The following NBPF11 variants were observed in gnomAD, a reference collection of about 807,000 sequenced individuals.
The protein encoded by NBPF11 is NBPF member 11.
A neutral mutation model predicts 93.9 loss-of-function variants in NBPF11; 72 were observed. The ratio of observed to expected loss-of-function variants is 0.77; its 90% confidence interval spans 0.63 to 0.93. The LOEUF is 0.93. Among genes scored for constraint, NBPF11 ranks in the 40% least tolerant of loss-of-function variants. NBPF11 has a pLI of 0.00. For synonymous variants in NBPF11, 224 were observed against 304.9 expected, an observed-to-expected ratio of 0.73 and a Z score of 2.76; for missense variants, 705 against 802.2, an observed-to-expected ratio of 0.88 and a Z score of 1.46.
intron 4 of NBPF11, among the ~76,000 whole-genome samples, chr1:148,132,031 C>T (rs1481215095): frequency 1.3e-4 from 18 of 133,624 alleles, no homozygotes; most frequent in Non-Finnish European, 1.6e-5. Flanking sequence ...TTTTCCTATG[C>T]TAATTGACCA....
chr1:148,149,088 C>G, intron 1 of NBPF11: 1 of 1,373,044 alleles, frequency 7.3e-7, no homozygotes, highest in Admixed American at 2.1e-5. Context: ...GGAGCTGGGC[C>G]CGGGGACGCC....
chr1:148,146,565 A>C (rs1673123241), intron 1 of NBPF11: 8 of 1,605,988 alleles, frequency 5.0e-6, no homozygotes, highest in Non-Finnish European at 6.8e-6. Flanking sequence ...GGACCCTGAG[A>C]GCCTCCTCGG....
intron 4 of NBPF11, among the ~76,000 whole-genome samples, chr1:148,132,273 A>G (rs1432154986): frequency 1.4e-5 from 2 of 146,862 alleles, no homozygotes; most frequent in African/African-American, 5.0e-5. Flanking sequence ...GTATACATAT[A>G]TATATGTCCT....
chr1:148,133,655 A>C (rs1670801772), intron 4 of NBPF11, among the ~76,000 whole-genome samples: 1 of 151,854 alleles, frequency 6.6e-6, no homozygotes, highest in African/African-American at 2.4e-5. Flanking sequence ...TATAAAAAAG[A>C]GGCCGGGCAT....
chr1:148,127,207 G>A, intron 4 of NBPF11, 169 bp from the exon 5 acceptor site: 1 of 292,730 alleles, frequency 3.4e-6, no homozygotes, highest in South Asian at 2.4e-5. Context: ...CAAGGTTCGA[G>A]GTGCCTCAAC....
chr1:148,116,262 G>C (rs1666513290), intron 13 of NBPF11, among the ~76,000 whole-genome samples: 1 of 152,076 alleles, frequency 6.6e-6, no homozygotes, highest in African/African-American at 2.4e-5. Flanking sequence ...AGCTATCCCT[G>C]TACGGTGCAG....
At chr1:148,132,444 C>T (rs1670561620) in intron 4 of NBPF11, among the ~76,000 whole-genome samples, 1 of 147,814 alleles carries the variant, frequency 6.8e-6, no homozygotes, top group Non-Finnish European at 1.5e-5. Flanking sequence ...CACCATTATT[C>T]TTTTATAATA....
intron 21 of NBPF11, 85 bp from the exon 22 acceptor site, chr1:148,105,613 G>T (rs1183735473): frequency 4.2e-6 from 3 of 707,526 alleles, no homozygotes; most frequent in Non-Finnish European, 7.6e-6. Context: ...GTAGCATAAG[G>T]AAGTGGTTAA....
intron 2 of NBPF11, among the ~76,000 whole-genome samples, chr1:148,138,265 G>A (rs1164971134): frequency 2.7e-5 from 4 of 150,792 alleles, no homozygotes; most frequent in Non-Finnish European, 1.5e-5. Flanking sequence ...TATACAATCG[G>A]GCTTTACACC....
At position 148,149,011 on chromosome 1, in the gene NBPF11, G is replaced by C. The variant is rs1407606519; in HGVS notation, c.-549+2739C>G. On this transcript the variant is annotated intron_variant, in intron 1 of 23. Transcript: ENST00000682118. ...TGTTGGGGGCTGGGGGTGGCCCTCGGGACTGGTGTGGAGCCTGAGCCTGAC... is the reference window on the plus strand; with the variant it reads ...TGTTGGGGGCTGGGGGTGGCCCTCGCGACTGGTGTGGAGCCTGAGCCTGAC... The C allele has an allele frequency of 7.7e-6, 5 of 645,554 alleles. No homozygotes were observed. The East Asian group carries it at 1.4e-4, about 18-fold the overall frequency. 40.0% of individuals were successfully genotyped at this position (645,554 alleles called of 1,614,324 possible). A position where few individuals can be genotyped will look rare whatever the true frequency, so the allele number is the denominator to read the frequency against.
chr1:148,142,819 C>T (rs2746946), intron 2 of NBPF11, among the ~76,000 whole-genome samples: 4,993 of 123,030 alleles, frequency 0.041, no homozygotes, highest in South Asian at 0.051. Flanking sequence ...TCCACTGTGG[C>T]CCATAAATTC....
intron 1 of NBPF11, among the ~76,000 whole-genome samples, chr1:148,148,687 C>T (rs2149314138): frequency 6.6e-6 from 1 of 152,126 alleles, no homozygotes; most frequent in East Asian, 1.9e-4. Context: ...CTGAATTCCT[C>T]ATGGCCAAGG....
At chr1:148,142,005 G>C (rs1672248490) in intron 2 of NBPF11, among the ~76,000 whole-genome samples, 1 of 143,490 alleles carries the variant, frequency 7.0e-6, no homozygotes, top group Non-Finnish European at 1.5e-5. Context: ...AGGGAGGGAA[G>C]GAGGGAGGGA....
chr1:148,126,425 C>G (rs1227670172), intron 5 of NBPF11, among the ~76,000 whole-genome samples: 1 of 151,344 alleles, frequency 6.6e-6, no homozygotes, highest in Non-Finnish European at 1.5e-5. Context: ...GTCACTAGAA[C>G]AGAGCTTTGC....
intron 7 of NBPF11, 108 bp from the exon 8 acceptor site, chr1:148,122,909 A>G (rs1668213838): frequency 6.3e-7 from 1 of 1,591,884 alleles, no homozygotes; most frequent in Non-Finnish European, 8.6e-7. Flanking sequence ...TCAGCATTGT[A>G]CTGAAAACTC....
chr1:148,115,521 G>C (rs1666301832), intron 14 of NBPF11, among the ~76,000 whole-genome samples: 1 of 151,560 alleles, frequency 6.6e-6, no homozygotes, highest in South Asian at 2.1e-4. Flanking sequence ...CTGAATCGAA[G>C]TTAGGAGGCC....
intron 10 of NBPF11, among the ~76,000 whole-genome samples, chr1:148,119,923 G>A (rs1667441777): frequency 1.3e-5 from 2 of 152,114 alleles, no homozygotes; most frequent in South Asian, 2.1e-4. Context: ...CAAAGGGCTG[G>A]GATTACAGGA....
At chr1:148,132,496 ATG>A (rs1482316244) in intron 4 of NBPF11, among the ~76,000 whole-genome samples, 1 of 150,048 alleles carries the variant, frequency 6.7e-6, no homozygotes, top group Non-Finnish European at 1.5e-5. Flanking sequence ...TACCATATAA[ATG>A]GTAGAATCAG....
chr1:148,138,056 A>G (rs1321565824), intron 2 of NBPF11, among the ~76,000 whole-genome samples: 2 of 151,282 alleles, frequency 1.3e-5, no homozygotes, highest in African/African-American at 4.9e-5. Flanking sequence ...GTGGCAGGAC[A>G]ATAGGATAAT....
Sources: gnomAD v4.1 joint callset for allele counts (sites outside exome capture counted in the v4.1 genomes callset) on GRCh38, gnomAD v4.1.1 for gene constraint, MANE v1.5 for transcripts, NCBI Gene and HGNC (gene_info 2026-07-23, HGNC 2026-07-21) for gene names.